Variants in TGM6 observed in about 807,000 individuals in gnomAD.
TGM6 encodes the protein protein-glutamine gamma-glutamyltransferase 6.
TGM6 carries 74 observed loss-of-function variants against 77.5 expected under a neutral mutation model. The observed-to-expected ratio is 0.96, with a 90% confidence interval of 0.79 to 1.16. TGM6 has a LOEUF of 1.16. Ranked by LOEUF, TGM6 falls within the 50% of genes most tolerant of loss-of-function variation. The probability of loss-of-function intolerance (pLI) is 0.00; values close to 1 mark genes in which losing one functional copy is unlikely to be tolerated. For missense variants in TGM6, 968 were observed against 940.2 expected, an observed-to-expected ratio of 1.03 and a Z score of -0.39; for synonymous variants, 383 against 378.9, an observed-to-expected ratio of 1.01 and a Z score of -0.12.
chr20:2,418,797 C>A (rs1466553193), intron 10 of TGM6, among the ~76,000 whole-genome samples: 1 of 152,104 alleles, frequency 6.6e-6, no homozygotes, highest in Non-Finnish European at 1.5e-5. Flanking sequence ...TATATTGAGG[C>A]CGGGCGCGGT....
intron 9 of TGM6, among the ~76,000 whole-genome samples, chr20:2,414,476 G>T (rs953926011): frequency 6.6e-6 from 1 of 152,194 alleles, no homozygotes; most frequent in Non-Finnish European, 1.5e-5. Flanking sequence ...ATTTACAATT[G>T]TGCAGCCACT....
Position 2,432,606 on chromosome 20 carries a change from A to C in TGM6, c.2084A>C (p.Lys695Thr). Reference protein sequence around the residue: ...DLVSPHFPDIKGFVIVHVATA... With the variant: ...DLVSPHFPDITGFVIVHVATA... ...GTAAGCCCTCACTTCCCGGACATCA[A>C]GGGCTTTGTGATCGTCCATGTGGCC... Residue 695 changes from lysine to threonine, a missense_variant, in exon 13 of 13, where the codon AAG (lysine) becomes ACG (threonine). By Grantham distance (78) the Lys-to-Thr change is moderately conservative. Coordinates refer to ENST00000202625, the MANE Select transcript of TGM6 (RefSeq NM_198994.3). 1 of 1,614,094 alleles carries C rather than the reference A, an allele frequency of 6.2e-7. No homozygotes were observed.
intron 1 of TGM6, among the ~76,000 whole-genome samples, chr20:2,389,768 T>G (rs1301226841): frequency 6.7e-6 from 1 of 149,362 alleles, no homozygotes; most frequent in Non-Finnish European, 1.5e-5. Context: ...GATGCCATCC[T>G]GCGACTGTAG....
At chr20:2,400,267 G>A (rs369453894) in intron 6 of TGM6, 39 bp from the exon 7 acceptor site, 14 of 1,612,998 alleles carry the variant, frequency 8.7e-6, no homozygotes, top group East Asian at 2.2e-5. Context: ...TCTCTCAGGG[G>A]CCAGGGTCCC....
intron 1 of TGM6, among the ~76,000 whole-genome samples, chr20:2,384,782 C>T (rs977226839): frequency 1.3e-5 from 2 of 152,136 alleles, no homozygotes; most frequent in Admixed American, 1.3e-4. Context: ...AGCAGACAAG[C>T]TGGAGGGGCT....
intron 9 of TGM6, among the ~76,000 whole-genome samples, chr20:2,410,368 C>A (rs1300684183): frequency 2.0e-5 from 3 of 152,052 alleles, no homozygotes; most frequent in Non-Finnish European, 1.5e-5. Flanking sequence ...GAGATGGAAA[C>A]CCCACACCAC....
chr20:2,401,318 G>A (rs986016584), intron 7 of TGM6, among the ~76,000 whole-genome samples: 3 of 152,030 alleles, frequency 2.0e-5, no homozygotes, highest in Admixed American at 6.6e-5. Context: ...TCTCCCTCCC[G>A]CCCAGTTCCC....
At position 2,425,787 on chromosome 20, in the gene TGM6, T is replaced by C. The variant is rs577281409; in HGVS notation, c.1679-4659T>C. ...CACATATTTTGATACATGTATAGAA[T>C]GTGTAACAATCGAATCAGGGTAATT... On this transcript the variant is annotated intron_variant, in intron 10 of 12. Transcript: ENST00000202625. Among the ~76,000 whole-genome samples, 10 of 152,346 alleles carry C rather than the reference T, an allele frequency of 6.6e-5. No homozygotes were observed. In the East Asian group the frequency reaches 1.9e-3, roughly 29 times the overall value.
rs80307588 is a variant in TGM6, at chr20:2,424,476, T to A, written c.1679-5970T>A. Among the ~76,000 whole-genome samples the A allele has an allele frequency of 2.6e-5, 4 of 152,260 alleles. No individual in the cohort carries two copies. In the East Asian group the frequency reaches 7.7e-4, roughly 29 times the overall value. Reference sequence around the variant, plus strand: ...ACTTGTCTTCTGTAGCTTCCTAACATCTCTCAATCCTTATAGAATTGAAGA... The same window carrying A: ...ACTTGTCTTCTGTAGCTTCCTAACAACTCTCAATCCTTATAGAATTGAAGA... On this transcript the variant is annotated intron_variant, in intron 10 of 12. Coordinates refer to ENST00000202625, the MANE Select transcript of TGM6 (RefSeq NM_198994.3).
chr20:2,411,159 A>C (rs1310322969), intron 9 of TGM6, among the ~76,000 whole-genome samples: 2 of 152,212 alleles, frequency 1.3e-5, no homozygotes. Flanking sequence ...ATGACATCAG[A>C]AGAAAAGAAA....
At chr20:2,395,168 T>C (rs761458818) in intron 2 of TGM6, 26 bp from the exon 3 acceptor site, 1 of 1,609,666 alleles carries the variant, frequency 6.2e-7, no homozygotes, top group East Asian at 2.2e-5. Flanking sequence ...GGGAAGGGTC[T>C]CCTGATTCCC....
In TGM6 at chr20:2,396,584, T is replaced by C. The variant is rs772473600; in HGVS notation, c.503T>C (p.Val168Ala). 4.3e-6 allele frequency: 7 copies of C among 1,614,108 alleles called. No individual in the cohort carries two copies. In the South Asian group the frequency reaches 7.7e-5, roughly 18 times the overall value. Residue 168 changes from valine (V) to alanine (A), a missense_variant, in exon 4 of 13, where the codon GTG (valine) becomes GCG (alanine). Physicochemically the swap from Val to Ala is moderately conservative, Grantham distance 64. Coordinates refer to ENST00000202625, the MANE Select transcript of TGM6 (RefSeq NM_198994.3). Reference protein sequence around the residue: ...LSDSGIIFRGVEKHIRAQGWN... With the variant: ...LSDSGIIFRGAEKHIRAQGWN... The stretch of plus-strand genomic sequence containing the variant: ...GACAGCGGCATCATCTTCCGAGGCG[T>C]GGAGAAGCACATACGAGCCCAGGGC...
intron 10 of TGM6, among the ~76,000 whole-genome samples, chr20:2,422,148 A>G (rs1342650024): frequency 2.6e-5 from 4 of 152,124 alleles, no homozygotes; most frequent in African/African-American, 7.2e-5. Context: ...ATATATATAT[A>G]TTACCAATCT....
chr20:2,395,397 C>G lies in TGM6; in HGVS notation c.385C>G (p.Leu129Val). The stretch of plus-strand genomic sequence containing the variant: ...TCACCGCAAACACAGCAACCGGAGG[C>G]TGGGCGAGTTTGTTCTCCTTTTCAA... ...SSHRKHSNRR[L>V]GEFVLLFNPW... is the part of the protein sequence containing the mutation. Residue 129 changes from leucine to valine, a missense_variant, in exon 3 of 13, where the codon CTG (leucine) becomes GTG (valine). Coordinates refer to ENST00000202625, the MANE Select transcript of TGM6 (RefSeq NM_198994.3). 1 of 1,614,260 alleles carries G rather than the reference C, an allele frequency of 6.2e-7. No homozygotes were observed. Among genetic ancestry groups the G allele is most frequent in the Non-Finnish European group, 8.5e-7 (1 of 1,180,044 alleles).
rs2084824591 is a variant in TGM6, at chr20:2,417,419, C to T, written c.1524C>T (p.Gly508=). Residue 508 remains glycine (G), a synonymous_variant, in exon 10 of 13, where the codon GGC becomes GGT. Transcript: ENST00000202625. The stretch of plus-strand genomic sequence containing the variant: ...AGGTGCTAGAGCCTCCCATGCTGGG[C>T]CACGACCTGAGACTGGCCCTGTGCT... ...KFKVLEPPML[G]HDLRLALCLA... is the part of the protein sequence containing the mutation. 6.2e-7 allele frequency: 1 copy of T among 1,612,960 alleles called. No homozygotes were observed. Among genetic ancestry groups the T allele is most frequent in the Non-Finnish European group, 8.5e-7 (1 of 1,180,042 alleles).
At chr20:2,395,846 G>A (rs1473759622) in intron 3 of TGM6, among the ~76,000 whole-genome samples, 1 of 152,192 alleles carries the variant, frequency 6.6e-6, no homozygotes, top group Non-Finnish European at 1.5e-5. Context: ...ACATCATAAG[G>A]CCTTAGTAAG....
chr20:2,415,960 G>A lies in TGM6; in HGVS notation c.1337-1272G>A, dbSNP rs6106653. ...TAGAACCCCATGAGTGAGAATTACA[G>A]GGTGAAGACCATGGACAACAAGAGA... On this transcript the variant is annotated intron_variant, in intron 9 of 12. Coordinates refer to ENST00000202625, the MANE Select transcript of TGM6 (RefSeq NM_198994.3). Among the ~76,000 whole-genome samples, 738 of 152,266 alleles carry A rather than the reference G, an allele frequency of 4.8e-3. 7 individuals are homozygous for A. The highest frequency in any genetic ancestry group is 0.017 in the African/African-American group (693 of 41,546).
At position 2,432,703 on chromosome 20, in the gene TGM6, T is replaced by G; in HGVS notation, c.*60T>G. On this transcript the variant is annotated 3_prime_UTR_variant, in exon 13 of 13. Transcript: ENST00000202625. ...CCCTGTCCTCCTCCTGCCCATTCTTTGTCTCTTCCACATGGGAGCCAGGAG... is the reference window on the plus strand; with the variant it reads ...CCCTGTCCTCCTCCTGCCCATTCTTGGTCTCTTCCACATGGGAGCCAGGAG... The G allele has an allele frequency of 6.2e-7, 1 of 1,612,482 alleles. No homozygotes were observed. Among genetic ancestry groups the G allele is most frequent in the Non-Finnish European group, 8.5e-7 (1 of 1,179,024 alleles).
At chr20:2,385,843 T>C (rs1035448172) in intron 1 of TGM6, among the ~76,000 whole-genome samples, 10 of 152,122 alleles carry the variant, frequency 6.6e-5, no homozygotes, top group African/African-American at 1.2e-4. Context: ...GCACCTAATA[T>C]GCCCTGGGCC....
Sources: allele counts gnomAD v4.1 joint callset (sites outside exome capture counted in the v4.1 genomes callset), GRCh38; gene constraint gnomAD v4.1.1; transcripts MANE v1.5; gene names NCBI Gene and HGNC (gene_info 2026-07-23, HGNC 2026-07-21).